Variants in RNF146 observed in about 807,000 individuals in gnomAD.
RNF146 encodes the protein ring finger protein 146, also known as E3 ubiquitin-protein ligase RNF146.
A neutral mutation model predicts 29.7 loss-of-function variants in RNF146; 11 were observed. That is an observed-to-expected ratio of 0.37 (90% CI 0.23 to 0.61). RNF146 has a LOEUF of 0.61. Among genes scored for constraint, RNF146 ranks in the 20% least tolerant of loss-of-function variants. The pLI is 0.66. For synonymous variants in RNF146, 150 were observed against 159.7 expected (o/e 0.94, Z 0.46); for missense variants, 342 against 438.9 (o/e 0.78, Z 1.97).
In RNF146 at chr6:127,286,902, G is replaced by T; in HGVS notation, c.289G>T (p.Ala97Ser). The T allele has an allele frequency of 6.2e-7, 1 of 1,613,336 alleles. No individual in the cohort carries two copies. The highest frequency in any genetic ancestry group is 8.5e-7 in the Non-Finnish European group (1 of 1,179,604). Reference sequence around the variant, plus strand: ...GTTGTCACCAGAAGAACTCAAGGCAGCAAGTAGAGGAAATGGTGAATATGC... The same window carrying T: ...GTTGTCACCAGAAGAACTCAAGGCATCAAGTAGAGGAAATGGTGAATATGC... ...TLLSPEELKAASRGNGEYAWY... is the reference protein window; with the variant it reads ...TLLSPEELKASSRGNGEYAWY... The change falls in exon 3 of 3, where the codon GCA (alanine) becomes TCA (serine). Residue 97 changes from alanine to serine, a missense_variant. Around this residue, in one of 6 missense-constraint regions of RNF146, gnomAD observed 50 missense variants for 54.9 expected, o/e 0.91. Transcript: ENST00000368314. The surrounding 1 kb of genome is among the most constrained non-coding windows in gnomAD (Gnocchi z 4.6).
chr6:127,279,305 AC>A (rs1778646533), intron 1 of RNF146, among the ~76,000 whole-genome samples: 1 of 151,878 alleles, frequency 6.6e-6, no homozygotes, highest in Non-Finnish European at 1.5e-5. Flanking sequence ...TATATAGTAT[AC>A]GGTAGAGGTC....
At chr6:127,271,506 C>T (rs923525815) in intron 1 of RNF146, among the ~76,000 whole-genome samples, 1 of 152,140 alleles carries the variant, frequency 6.6e-6, no homozygotes, top group African/African-American at 2.4e-5. Context: ...CTCTATTAAA[C>T]AATTCCTGTA....
chr6:127,287,397 CAT>C lies in RNF146; in HGVS notation c.786_787del (p.His262GlnfsTer9). The C allele has an allele frequency of 6.2e-7, 1 of 1,613,416 alleles. No homozygotes were observed. The highest frequency in any genetic ancestry group is 8.5e-7 in the Non-Finnish European group (1 of 1,179,648). On this transcript the variant is annotated frameshift_variant, in exon 3 of 3. Transcript: ENST00000368314. LOFTEE classifies it high-confidence loss of function. ...TGGAGACAACACAGCTGAAAGGAGT[CAT>C]AGGGGAGAAGGAGAAGAAGATCATG... ...LSGDNTAERS[H>X]RGEGEEDHES...
At chr6:127,278,516 T>G (rs1045034565) in intron 1 of RNF146, among the ~76,000 whole-genome samples, 1 of 152,068 alleles carries the variant, frequency 6.6e-6, no homozygotes, top group African/African-American at 2.4e-5. Flanking sequence ...TAGCACATAT[T>G]TCTTTTTATT....
chr6:127,288,520 T>G lies in RNF146; in HGVS notation c.*827T>G, dbSNP rs751849804. ...TTTCTTAGAGATTATTTAAACAGAATCTATAGGCAGTGTGTATATAATAAA... is the reference window on the plus strand; with the variant it reads ...TTTCTTAGAGATTATTTAAACAGAAGCTATAGGCAGTGTGTATATAATAAA... On this transcript the variant is annotated 3_prime_UTR_variant, in exon 3 of 3. Transcript: ENST00000368314. 1 of 166,836 alleles carries G rather than the reference T, an allele frequency of 6.0e-6. No individual in the cohort carries two copies. The highest frequency in any genetic ancestry group is 1.5e-5 in the Non-Finnish European group (1 of 68,030). 10.3% of individuals were successfully genotyped at this position (166,836 alleles called of 1,614,324 possible).
At chr6:127,274,475 A>T (rs566984118) in intron 1 of RNF146, among the ~76,000 whole-genome samples, 1 of 152,308 alleles carries the variant, frequency 6.6e-6, no homozygotes, top group South Asian at 2.1e-4. Context: ...GATAATGTGT[A>T]AATGCATTCA....
chr6:127,283,201 C>T (rs548838772), intron 2 of RNF146, among the ~76,000 whole-genome samples: 5 of 151,688 alleles, frequency 3.3e-5, no homozygotes, highest in Admixed American at 6.6e-5. Flanking sequence ...GGGATTTATA[C>T]TTAAAAGTTG....
intron 2 of RNF146, among the ~76,000 whole-genome samples, chr6:127,281,658 A>G (rs1485125113): frequency 6.6e-6 from 1 of 151,722 alleles, no homozygotes; most frequent in Non-Finnish European, 1.5e-5. Context: ...AAGGCAGGGT[A>G]GGAGAAAGAG....
intron 2 of RNF146, chr6:127,285,114 T>C: frequency 1.5e-6 from 1 of 658,268 alleles, no homozygotes; most frequent in Non-Finnish European, 1.9e-6. Context: ...AATTAAACAT[T>C]TTAGTGATCA....
At chr6:127,279,994 A>G (rs879906237) in intron 1 of RNF146, among the ~76,000 whole-genome samples, 13 of 151,758 alleles carry the variant, frequency 8.6e-5, no homozygotes, top group Non-Finnish European at 1.5e-4. Flanking sequence ...GAGATCTTCT[A>G]TCTAGAGAGA....
At chr6:127,281,754 T>A (rs1778942874) in intron 2 of RNF146, among the ~76,000 whole-genome samples, 1 of 151,620 alleles carries the variant, frequency 6.6e-6, no homozygotes, top group African/African-American at 2.4e-5. Context: ...ACAATCAATC[T>A]TAATTGATTT....
chr6:127,281,123 T>C (rs1412210625), intron 2 of RNF146, among the ~76,000 whole-genome samples: 1 of 151,686 alleles, frequency 6.6e-6, no homozygotes, highest in African/African-American at 2.4e-5. Context: ...CTTTCTACTC[T>C]TCCAGTATGA....
chr6:127,274,860 C>A (rs1277361270), intron 1 of RNF146, among the ~76,000 whole-genome samples: 1 of 152,058 alleles, frequency 6.6e-6, no homozygotes, highest in Non-Finnish European at 1.5e-5. Context: ...TCACATGAGG[C>A]CAGGAGTTTG....
At position 127,287,218 on chromosome 6, in the gene RNF146, A is replaced by C; in HGVS notation, c.605A>C (p.Asp202Ala). 3 of 1,613,418 alleles carry C rather than the reference A, an allele frequency of 1.9e-6. No homozygotes were observed. Among genetic ancestry groups the C allele is most frequent in the Non-Finnish European group, 2.5e-6 (3 of 1,179,618 alleles). ...LARESSADGADSVSAQSGASV... is the reference protein window; with the variant it reads ...LARESSADGAASVSAQSGASV... ...AGAGAGAGCTCTGCTGACGGAGCGG[A>C]CAGTGTATCAGCACAGAGTGGAGCT... Residue 202 changes from aspartate (D) to alanine (A), a missense_variant, in exon 3 of 3, where the codon GAC (aspartate) becomes GCC (alanine). Physicochemically the swap from Asp to Ala is moderately radical, Grantham distance 126 (BLOSUM62 -2). Around this residue, in one of 6 missense-constraint regions of RNF146, gnomAD observed 196 missense variants for 208.9 expected, o/e 0.94. Transcript: ENST00000368314.
intron 1 of RNF146, among the ~76,000 whole-genome samples, chr6:127,277,729 C>T (rs998455125): frequency 6.6e-6 from 1 of 151,950 alleles, no homozygotes; most frequent in Non-Finnish European, 1.5e-5. Context: ...TTAGATTGTG[C>T]CCACCAGATT....
intron 2 of RNF146, among the ~76,000 whole-genome samples, chr6:127,285,886 C>A (rs1475808759): frequency 6.6e-6 from 1 of 151,914 alleles, no homozygotes; most frequent in African/African-American, 2.4e-5. Context: ...AGTTGTGTGT[C>A]TTATTTATCT....
At chr6:127,272,015 A>G (rs553110018) in intron 1 of RNF146, among the ~76,000 whole-genome samples, 164 of 152,300 alleles carry the variant, frequency 1.1e-3, no homozygotes, top group African/African-American at 3.3e-3. Context: ...TCATATTTCT[A>G]TTAGATAATA....
intron 1 of RNF146, among the ~76,000 whole-genome samples, chr6:127,268,697 G>T (rs1777018145): frequency 6.6e-6 from 1 of 152,066 alleles, no homozygotes; most frequent in Non-Finnish European, 1.5e-5. Flanking sequence ...TCAGAACTTG[G>T]TAGAATTATA....
intron 1 of RNF146, among the ~76,000 whole-genome samples, chr6:127,271,193 T>C (rs971894960): frequency 3.9e-5 from 6 of 152,150 alleles, no homozygotes; most frequent in African/African-American, 1.4e-4. Flanking sequence ...ATACAAAACA[T>C]ATATTAATCC....
Sources: gnomAD v4.1 joint callset for allele counts (sites outside exome capture counted in the v4.1 genomes callset) on GRCh38, gnomAD v4.1.1 for gene constraint, gnomAD v4.1.1 regional missense constraint, Gnocchi (gnomAD v3.1) non-coding constraint, MANE v1.5 for transcripts, NCBI Gene and HGNC (gene_info 2026-07-23, HGNC 2026-07-21) for gene names.